MACROH2A1: variants seen among roughly 807,000 people sequenced by gnomAD.
MACROH2A1 encodes the protein macroH2A.1 histone.
In MACROH2A1, 2 loss-of-function variants were observed where a neutral mutation model predicts 31.6. The observed-to-expected ratio is 0.06, with a 90% CI of 0.03 to 0.20. The LOEUF is 0.20. Among genes scored for constraint, MACROH2A1 ranks in the 10% least tolerant of loss-of-function variants. MACROH2A1 has a pLI of 1.00. For missense variants in MACROH2A1, 230 were observed against 474.0 expected (o/e 0.49, Z 4.78); for synonymous variants, 169 against 189.6 (o/e 0.89, Z 0.89).
chr5:135,359,244 A>C, intron 5 of MACROH2A1: 1 of 985,432 alleles, frequency 1.0e-6, no homozygotes, highest in Non-Finnish European at 1.2e-6. Context: ...CCAAGGGCTG[A>C]ACTGCTCTGT....
chr5:135,380,002 G>C (rs1474232119), intron 2 of MACROH2A1, among the ~76,000 whole-genome samples: 1 of 152,096 alleles, frequency 6.6e-6, no homozygotes, highest in African/African-American at 2.4e-5. Flanking sequence ...CCCTCACACA[G>C]GTGTGGCCCA....
intron 2 of MACROH2A1, among the ~76,000 whole-genome samples, chr5:135,386,877 T>C (rs777180443): frequency 6.6e-6 from 1 of 152,214 alleles, no homozygotes; most frequent in Non-Finnish European, 1.5e-5. Flanking sequence ...CTAATGATGG[T>C]GTCTGTGAAC....
At chr5:135,337,987 G>A (rs759121643) in intron 8 of MACROH2A1, 39 of 1,208,270 alleles carry the variant, frequency 3.2e-5, no homozygotes, top group Admixed American at 5.7e-5. Flanking sequence ...TCTGGACTGC[G>A]CAGGCTGCCA....
At position 135,334,920 on chromosome 5, in the gene MACROH2A1, T is replaced by A; in HGVS notation, c.*56A>T. ...CAGTAGGAGTGAAGGGGATTTTTTT[T>A]TTCTTTTAAACTGAAGGTGGGGTAC... On this transcript the variant is annotated 3_prime_UTR_variant, in exon 9 of 9. Coordinates refer to ENST00000511689, the MANE Select transcript of MACROH2A1 (RefSeq NM_138610.3). The A allele has an allele frequency of 6.8e-7, 1 of 1,480,426 alleles. No homozygotes were observed. The highest frequency in any genetic ancestry group is 9.3e-7 in the Non-Finnish European group (1 of 1,080,620). The allele number at this position is 1,480,426 out of a possible 1,614,324, so 91.7% of individuals were successfully genotyped here. A position where few individuals can be genotyped will look rare whatever the true frequency, so the allele number is the denominator to read the frequency against.
chr5:135,335,721 A>C (rs912474413), intron 8 of MACROH2A1, among the ~76,000 whole-genome samples: 1 of 151,798 alleles, frequency 6.6e-6, no homozygotes, highest in Non-Finnish European at 1.5e-5. Context: ...TTCCAAGCCA[A>C]ATGTGTTTGA....
At chr5:135,385,208 C>G (rs1036415165) in intron 2 of MACROH2A1, among the ~76,000 whole-genome samples, 1 of 152,212 alleles carries the variant, frequency 6.6e-6, no homozygotes, top group Non-Finnish European at 1.5e-5. Flanking sequence ...GAGTCTGGGC[C>G]ATGCAGAGAA....
chr5:135,353,342 C>G (rs2149779745), intron 5 of MACROH2A1: 1 of 355,758 alleles, frequency 2.8e-6, no homozygotes, highest in East Asian at 6.1e-5. Flanking sequence ...GACTTGTGAT[C>G]TGGGGGCCAA....
chr5:135,373,148 C>G (rs955350764), intron 2 of MACROH2A1, among the ~76,000 whole-genome samples: 3 of 152,184 alleles, frequency 2.0e-5, no homozygotes, highest in African/African-American at 7.2e-5. Context: ...TTTCCTCTTC[C>G]TGCCCAAAAC....
At chr5:135,340,347 C>T (rs1249696093) in intron 8 of MACROH2A1, among the ~76,000 whole-genome samples, 2 of 152,130 alleles carry the variant, frequency 1.3e-5, no homozygotes, top group Non-Finnish European at 2.9e-5. Context: ...TGGGGCTCAA[C>T]ACATACCCAT....
chr5:135,348,478 T>C (rs919516277), intron 6 of MACROH2A1, among the ~76,000 whole-genome samples: 1 of 152,252 alleles, frequency 6.6e-6, no homozygotes, highest in African/African-American at 2.4e-5. Flanking sequence ...GAAAGAACTT[T>C]TGATGGGTAA....
chr5:135,355,139 T>C, intron 5 of MACROH2A1: 1 of 456,054 alleles, frequency 2.2e-6, no homozygotes, highest in South Asian at 1.5e-5. Context: ...ACCCCCTCAG[T>C]GGCCTGTATC....
intron 2 of MACROH2A1, among the ~76,000 whole-genome samples, chr5:135,378,529 C>A (rs555819606): frequency 6.6e-6 from 1 of 152,328 alleles, no homozygotes; most frequent in South Asian, 2.1e-4. Context: ...CTTCATCGAG[C>A]CAGCCTTGGG....
rs17168234 is a variant in MACROH2A1, at chr5:135,385,648, T to A, written c.172+3274A>T. 3.1e-3 allele frequency among the ~76,000 whole-genome samples: 479 copies of A among 152,242 alleles called. 4 individuals are homozygous for A. The highest frequency in any genetic ancestry group is 0.011 in the African/African-American group (443 of 41,558). ...GCTGGCCTGGCACCCAGCAGGCGCA[T>A]CAAGACAGATAAGTGGTTGGCAGAT... On this transcript the variant is annotated intron_variant, in intron 2 of 8. Coordinates refer to ENST00000511689, the MANE Select transcript of MACROH2A1 (RefSeq NM_138610.3).
chr5:135,388,795 T>C, intron 2 of MACROH2A1, 127 bp downstream of exon 2: 1 of 740,590 alleles, frequency 1.4e-6, no homozygotes, highest in South Asian at 2.3e-5. Flanking sequence ...TTCCTTGTAC[T>C]CTTCTTGTAA....
chr5:135,393,106 T>C (rs1767476253), intron 1 of MACROH2A1, among the ~76,000 whole-genome samples: 1 of 152,232 alleles, frequency 6.6e-6, no homozygotes, highest in African/African-American at 2.4e-5. Context: ...AAATCCAAAA[T>C]GGGTTTCCAT....
At chr5:135,377,093 G>A (rs949770261) in intron 2 of MACROH2A1, among the ~76,000 whole-genome samples, 5 of 152,204 alleles carry the variant, frequency 3.3e-5, no homozygotes, top group African/African-American at 7.2e-5. Context: ...CACCCAGGGC[G>A]CCCCCACAGG....
chr5:135,341,732 C>G (rs114321879), intron 8 of MACROH2A1, among the ~76,000 whole-genome samples: 1 of 152,328 alleles, frequency 6.6e-6, no homozygotes, highest in South Asian at 2.1e-4. Context: ...CCTGCCTAAG[C>G]GGAAAATGGC....
chr5:135,340,431 C>A (rs1208341151), intron 8 of MACROH2A1, among the ~76,000 whole-genome samples: 1 of 152,088 alleles, frequency 6.6e-6, no homozygotes, highest in Admixed American at 6.5e-5. Flanking sequence ...TAATCAAAGC[C>A]CCAAACTAGT....
At chr5:135,397,626 T>G (rs575462412) in intron 1 of MACROH2A1, among the ~76,000 whole-genome samples, 2 of 152,246 alleles carry the variant, frequency 1.3e-5, no homozygotes, top group African/African-American at 4.8e-5. Flanking sequence ...TAAGAAAAAA[T>G]AAGTTTGAAA....
Sources: allele counts gnomAD v4.1 joint callset (sites outside exome capture counted in the v4.1 genomes callset), GRCh38; gene constraint gnomAD v4.1.1; transcripts MANE v1.5; gene names NCBI Gene and HGNC (gene_info 2026-07-23, HGNC 2026-07-21).